The following TSGA10 variants were observed in gnomAD, a reference collection of about 807,000 sequenced individuals.
The protein encoded by TSGA10 is testis specific 10, also known as testis-specific gene 10 protein.
TSGA10 carries 43 observed loss-of-function variants against 96.6 expected under a neutral mutation model. The ratio of observed to expected loss-of-function variants is 0.44; its 90% CI spans 0.35 to 0.57. The LOEUF is 0.57. TSGA10 is among the 20% of genes least tolerant of loss of function. TSGA10 has a pLI of 0.01. For synonymous variants in TSGA10, 229 were observed against 269.9 expected (o/e 0.85, Z 1.48); for missense variants, 703 against 834.4 (o/e 0.84, Z 1.94).
intron 20 of TSGA10, among the ~76,000 whole-genome samples, chr2:99,015,554 G>GGA (rs1484318852): frequency 1.3e-5 from 2 of 152,002 alleles, no homozygotes; most frequent in Non-Finnish European, 2.9e-5. Context: ...TACTGAATGG[G>GGA]GACAGTTGAA....
intron 16 of TSGA10, among the ~76,000 whole-genome samples, chr2:99,038,613 C>A (rs1048556972): frequency 1.3e-5 from 2 of 152,104 alleles, no homozygotes; most frequent in African/African-American, 4.8e-5. Flanking sequence ...TCTCACAGTT[C>A]TAAATATTTA....
In TSGA10 at chr2:99,146,715, AC is replaced by A. The variant is rs2093635827; in HGVS notation, c.-621+7977del. Reference sequence around the variant, plus strand: ...ATGATCTCAGCTCACTGCAACCTCCACCCCCTGGGTTCAAGCGATTCTCCTG... The same window carrying A: ...ATGATCTCAGCTCACTGCAACCTCCACCCCTGGGTTCAAGCGATTCTCCTG... On this transcript the variant is annotated intron_variant, in intron 1 of 20. Coordinates refer to ENST00000393483, the MANE Select transcript of TSGA10 (RefSeq NM_025244.4). 4.6e-5 allele frequency among the ~76,000 whole-genome samples: 7 copies of A among 151,278 alleles called. No individual in the cohort carries two copies. The South Asian group carries it at 1.5e-3, about 32-fold the overall frequency.
At chr2:99,115,318 C>T (rs2092165031) in intron 4 of TSGA10, among the ~76,000 whole-genome samples, 2 of 152,016 alleles carry the variant, frequency 1.3e-5, no homozygotes, top group South Asian at 2.1e-4. Flanking sequence ...AGTAACAATA[C>T]ATTCCACCTG....
intron 10 of TSGA10, among the ~76,000 whole-genome samples, chr2:99,103,192 G>A (rs2090967766): frequency 6.6e-6 from 1 of 151,808 alleles, no homozygotes; most frequent in Non-Finnish European, 1.5e-5. Flanking sequence ...TAAGTTCCGG[G>A]GTACATGTGC....
chr2:99,130,163 T>C (rs111472253), intron 1 of TSGA10, among the ~76,000 whole-genome samples: 1 of 152,192 alleles, frequency 6.6e-6, no homozygotes, highest in African/African-American at 2.4e-5. Context: ...GGGATTGCTG[T>C]GTCAAATGGT....
At chr2:99,012,451 A>G (rs1190076482) in intron 20 of TSGA10, among the ~76,000 whole-genome samples, 1 of 152,232 alleles carries the variant, frequency 6.6e-6, no homozygotes, top group Non-Finnish European at 1.5e-5. Flanking sequence ...CACCTAACAC[A>G]TAAGGACTCA....
At chr2:99,040,757 G>GA (rs887597535) in intron 16 of TSGA10, among the ~76,000 whole-genome samples, 127 of 137,858 alleles carry the variant, frequency 9.2e-4, no homozygotes, top group Admixed American at 2.1e-3. Context: ...CATAGAACCA[G>GA]AAAAAAAAAA....
chr2:99,080,880 C>A (rs1338199589), intron 11 of TSGA10, among the ~76,000 whole-genome samples: 1 of 152,074 alleles, frequency 6.6e-6, no homozygotes, highest in Non-Finnish European at 1.5e-5. Flanking sequence ...CTAACACTAT[C>A]CCCTTGGTGA....
chr2:99,002,516 A>T (rs1053435670), intron 20 of TSGA10, among the ~76,000 whole-genome samples: 1 of 152,254 alleles, frequency 6.6e-6, no homozygotes, highest in Admixed American at 6.5e-5. Flanking sequence ...AACTGGTACC[A>T]GCCACTGCAA....
At chr2:99,082,995 C>T (rs1343669417) in intron 10 of TSGA10, among the ~76,000 whole-genome samples, 1 of 151,722 alleles carries the variant, frequency 6.6e-6, no homozygotes, top group African/African-American at 2.4e-5. Flanking sequence ...AACTGGTAAA[C>T]TGGGGAAAAA....
chr2:99,092,313 A>G (rs2089452005), intron 10 of TSGA10, among the ~76,000 whole-genome samples: 1 of 152,162 alleles, frequency 6.6e-6, no homozygotes, highest in African/African-American at 2.4e-5. Context: ...ATAGCTTTAA[A>G]TGCCTACATC....
chr2:99,001,270 C>T (rs1341829213), intron 20 of TSGA10, among the ~76,000 whole-genome samples: 1 of 152,148 alleles, frequency 6.6e-6, no homozygotes, highest in East Asian at 1.9e-4. Context: ...TGAGATGAAG[C>T]TTCCAGAGGA....
chr2:99,012,786 C>CA (rs1390252139), intron 20 of TSGA10, among the ~76,000 whole-genome samples: 1 of 152,070 alleles, frequency 6.6e-6, no homozygotes, highest in Non-Finnish European at 1.5e-5. Context: ...TACAGAAAGT[C>CA]AAAGAAACAA....
At chr2:99,149,474 G>A (rs1279511072) in intron 1 of TSGA10, among the ~76,000 whole-genome samples, 12 of 138,278 alleles carry the variant, frequency 8.7e-5, no homozygotes, top group South Asian at 2.3e-4. Flanking sequence ...ACGGAGTCTC[G>A]CTCTGTCGCC....
At chr2:99,003,678 A>C (rs2078186937) in intron 20 of TSGA10, among the ~76,000 whole-genome samples, 1 of 152,230 alleles carries the variant, frequency 6.6e-6, no homozygotes, top group African/African-American at 2.4e-5. Context: ...CTACATGGAA[A>C]GTGAACAACC....
chr2:99,107,115 T>C (rs2091425878), intron 7 of TSGA10, among the ~76,000 whole-genome samples: 1 of 152,184 alleles, frequency 6.6e-6, no homozygotes, highest in Admixed American at 6.5e-5. Flanking sequence ...TATTACCACA[T>C]TGCTGAGTCA....
chr2:99,028,248 G>A (rs1213936716), intron 17 of TSGA10, among the ~76,000 whole-genome samples: 4 of 152,246 alleles, frequency 2.6e-5, no homozygotes, highest in Admixed American at 1.3e-4. Context: ...TCAACTGTGG[G>A]TTACCTTGCT....
chr2:99,117,740 G>A lies in TSGA10; in HGVS notation c.-336C>T, dbSNP rs867908869. 1.7e-5 allele frequency: 17 copies of A among 985,410 alleles called. No homozygotes were observed. The highest frequency in any genetic ancestry group is 5.2e-4 in the Middle Eastern group (1 of 1,934). 61.0% of individuals were successfully genotyped at this position (985,410 alleles called of 1,614,324 possible). The stretch of plus-strand genomic sequence containing the variant: ...AACATATTCTTCCAAGCCATGATTT[G>A]TCTGTTTGAGATCTTCAATCTGTTA... On this transcript the variant is annotated 5_prime_UTR_variant, in exon 4 of 21. Transcript: ENST00000393483.
intron 7 of TSGA10, among the ~76,000 whole-genome samples, chr2:99,106,424 A>AT (rs2091339759): frequency 6.6e-6 from 1 of 152,110 alleles, no homozygotes; most frequent in South Asian, 2.1e-4. Context: ...CTCATCTTGA[A>AT]TAGTACCCTC....
Sources: gnomAD v4.1 joint callset for allele counts (sites outside exome capture counted in the v4.1 genomes callset) on GRCh38, gnomAD v4.1.1 for gene constraint, MANE v1.5 for transcripts, NCBI Gene and HGNC (gene_info 2026-07-23, HGNC 2026-07-21) for gene names.